Variants in FBXL7 observed in about 807,000 individuals in gnomAD.
FBXL7 encodes F-box/LRR-repeat protein 7.
FBXL7 carries 12 observed loss-of-function variants against 38.3 expected under a neutral mutation model. That is an observed-to-expected ratio of 0.31 (90% CI 0.20 to 0.51). The LOEUF (loss-of-function observed/expected upper bound fraction) is 0.51. Ranked by LOEUF, FBXL7 falls within the 20% of genes least tolerant of loss-of-function variation. The pLI, the probability that FBXL7 is intolerant of heterozygous loss-of-function variation, is 0.98. For synonymous variants in FBXL7, 297 were observed against 300.9 expected, an observed-to-expected ratio of 0.99 and a Z score of 0.13; for missense variants, 567 against 676.4, an observed-to-expected ratio of 0.84 and a Z score of 1.79.
intron 2 of FBXL7, among the ~76,000 whole-genome samples, chr5:15,726,723 T>A (rs1384264305): frequency 6.6e-6 from 1 of 151,470 alleles, no homozygotes; most frequent in Non-Finnish European, 1.5e-5. Flanking sequence ...AATAAATAAA[T>A]AAATAAAATG....
chr5:15,921,550 A>G (rs1433104180), intron 2 of FBXL7, among the ~76,000 whole-genome samples: 7 of 152,132 alleles, frequency 4.6e-5, no homozygotes, highest in Admixed American at 6.5e-5. Context: ...AATTCATGCA[A>G]TTATTCCCAG....
At chr5:15,714,848 CAAA>C (rs35229749) in intron 2 of FBXL7, among the ~76,000 whole-genome samples, 3 of 76,660 alleles carry the variant, frequency 3.9e-5, no homozygotes, top group African/African-American at 1.1e-4. Flanking sequence ...GAGTCCGTCT[CAAA>C]AAAAAAAAAA....
At chr5:15,715,259 G>A (rs1419462256) in intron 2 of FBXL7, among the ~76,000 whole-genome samples, 2 of 152,070 alleles carry the variant, frequency 1.3e-5, no homozygotes, top group East Asian at 1.9e-4. Context: ...TTGGGAGGCC[G>A]AGGCAGGCGG....
chr5:15,686,842 A>C (rs2126616716), intron 2 of FBXL7, among the ~76,000 whole-genome samples: 1 of 152,304 alleles, frequency 6.6e-6, no homozygotes, highest in Middle Eastern at 3.4e-3. Context: ...TGGACCACTG[A>C]GCCAAGAAGT....
chr5:15,552,602 G>C (rs557938491), intron 1 of FBXL7, among the ~76,000 whole-genome samples: 2 of 152,194 alleles, frequency 1.3e-5, no homozygotes, highest in South Asian at 2.1e-4. Context: ...TTTCTCCTCT[G>C]TATCTGGCCT....
intron 1 of FBXL7, among the ~76,000 whole-genome samples, chr5:15,589,170 G>T (rs72745658): frequency 0.084 from 12,732 of 152,214 alleles, 742 homozygotes; most frequent in Non-Finnish European, 0.12. Flanking sequence ...ACCATTTGTT[G>T]TCTGTATTTC....
At chr5:15,565,031 T>A (rs1738526749) in intron 1 of FBXL7, among the ~76,000 whole-genome samples, 1 of 152,096 alleles carries the variant, frequency 6.6e-6, no homozygotes, top group Non-Finnish European at 1.5e-5. Flanking sequence ...TTTATAGGTG[T>A]TTTCAATATG....
chr5:15,815,087 T>C (rs911924461), intron 2 of FBXL7, among the ~76,000 whole-genome samples: 2 of 152,210 alleles, frequency 1.3e-5, no homozygotes, highest in African/African-American at 4.8e-5. Flanking sequence ...TAATTATGAC[T>C]TTACATTTTT....
intron 2 of FBXL7, among the ~76,000 whole-genome samples, chr5:15,731,873 T>G (rs948786585): frequency 8.5e-5 from 13 of 152,304 alleles, no homozygotes; most frequent in Middle Eastern, 6.8e-3. Context: ...TCCTGGCTGG[T>G]TCCTTGGACT....
intron 1 of FBXL7, among the ~76,000 whole-genome samples, chr5:15,608,507 A>G (rs1482025333): frequency 6.6e-6 from 1 of 152,214 alleles, no homozygotes; most frequent in East Asian, 1.9e-4. Flanking sequence ...GCCAGGCTAT[A>G]GTACCAAGTA....
chr5:15,543,469 C>T (rs1030046502), intron 1 of FBXL7, among the ~76,000 whole-genome samples: 6 of 152,188 alleles, frequency 3.9e-5, no homozygotes, highest in Non-Finnish European at 8.8e-5. Context: ...TCATATCAAT[C>T]AGCAACCCCA....
chr5:15,935,247 G>T (rs890861139), intron 3 of FBXL7: 3 of 534,688 alleles, frequency 5.6e-6, no homozygotes, highest in Non-Finnish European at 1.2e-5. Flanking sequence ...GCGCCATCCC[G>T]AGGCTTTGCA....
At chr5:15,501,775 C>A in intron 1 of FBXL7, 3 of 981,446 alleles carry the variant, frequency 3.1e-6, no homozygotes, top group Non-Finnish European at 3.6e-6. Flanking sequence ...CAGCAGAAAC[C>A]GACCCTACAA....
At chr5:15,633,382 A>G (rs372520017) in intron 2 of FBXL7, among the ~76,000 whole-genome samples, 2 of 152,304 alleles carry the variant, frequency 1.3e-5, no homozygotes, top group African/African-American at 2.4e-5. Context: ...ATAATAATCA[A>G]TGTTTCTATT....
intron 2 of FBXL7, among the ~76,000 whole-genome samples, chr5:15,833,759 G>T (rs1453494522): frequency 6.6e-6 from 1 of 152,192 alleles, no homozygotes; most frequent in African/African-American, 2.4e-5. Flanking sequence ...TTCTATCCAG[G>T]TTGGGAATAT....
chr5:15,841,194 G>T (rs1190636467), intron 2 of FBXL7, among the ~76,000 whole-genome samples: 6 of 151,788 alleles, frequency 4.0e-5, no homozygotes, highest in Non-Finnish European at 7.4e-5. Context: ...TTGCTGGTTG[G>T]TTTTTTTGGT....
At chr5:15,846,210 A>G (rs376919044) in intron 2 of FBXL7, among the ~76,000 whole-genome samples, 1 of 152,234 alleles carries the variant, frequency 6.6e-6, no homozygotes, top group East Asian at 1.9e-4. Flanking sequence ...ATTGTAATAG[A>G]GTTCTTCTTT....
At chr5:15,822,874 TG>T (rs1195320884) in intron 2 of FBXL7, among the ~76,000 whole-genome samples, 1 of 152,166 alleles carries the variant, frequency 6.6e-6, no homozygotes, top group East Asian at 1.9e-4. Flanking sequence ...AATAGATCTC[TG>T]GGTCTCACCA....
intron 2 of FBXL7, among the ~76,000 whole-genome samples, chr5:15,816,229 G>A (rs1738009843): frequency 6.7e-6 from 1 of 150,014 alleles, no homozygotes; most frequent in East Asian, 2.0e-4. Flanking sequence ...CAGCCCATGA[G>A]TGAATAGAAA....
Sources: allele counts gnomAD v4.1 joint callset (sites outside exome capture counted in the v4.1 genomes callset), GRCh38; gene constraint gnomAD v4.1.1; transcripts MANE v1.5; gene names NCBI Gene and HGNC (gene_info 2026-07-23, HGNC 2026-07-21).